The following TBC1D16 variants were observed in gnomAD, a reference collection of about 807,000 sequenced individuals.
TBC1D16 encodes the protein CTD-2529O21.1.
Under a neutral mutation model 74.7 loss-of-function variants are expected in TBC1D16, and 58 were observed. That is an observed-to-expected ratio of 0.78 (90% CI 0.63 to 0.97). TBC1D16 has a LOEUF of 0.97. TBC1D16 is among the 50% of genes least tolerant of loss of function. The probability of loss-of-function intolerance (pLI) is 0.00; values close to 1 mark genes in which losing one functional copy is unlikely to be tolerated. For missense variants in TBC1D16, 1,014 were observed against 1,079.5 expected, an observed-to-expected ratio of 0.94 and a Z score of 0.85; for synonymous variants, 493 against 474.7, an observed-to-expected ratio of 1.04 and a Z score of -0.50.
At position 79,935,092 on chromosome 17, in the gene TBC1D16, C is replaced by T. The variant is rs1403270776; in HGVS notation, c.*5767G>A. The T allele has an allele frequency of 6.6e-6, 1 of 152,294 alleles. No homozygotes were observed. Among genetic ancestry groups the T allele is most frequent in the East Asian group, 1.9e-4 (1 of 5,198 alleles). The allele number at this position is 152,294 out of a possible 1,614,324, so 9.4% of individuals were successfully genotyped here. ...AAGGTCAAATTCACCTTGTTTGCCT[C>T]CTTAAAAATTCACAAATGCAGGACT... is the stretch of plus-strand genomic sequence containing the variant. On this transcript the variant is annotated 3_prime_UTR_variant, in exon 12 of 12. Transcript: ENST00000310924.
At chr17:80,014,810 A>G (rs561964401) in intron 1 of TBC1D16, among the ~76,000 whole-genome samples, 1 of 152,294 alleles carries the variant, frequency 6.6e-6, no homozygotes, top group South Asian at 2.1e-4. Context: ...GAAAAAAAAA[A>G]TAGAAAATGC....
Position 80,010,559 on chromosome 17 carries a change from G to A in TBC1D16, c.380C>T (p.Pro127Leu), listed in dbSNP as rs759593097. The A allele has an allele frequency of 2.1e-5, 34 of 1,604,944 alleles. No individual in the cohort carries two copies. Among genetic ancestry groups the A allele is most frequent in the Non-Finnish European group, 2.5e-5 (30 of 1,177,040 alleles). Residue 127 changes from proline to leucine, a missense_variant, in exon 3 of 12, where the codon CCG (proline) becomes CTG (leucine). Physicochemically the swap from Pro to Leu is moderately conservative, Grantham distance 98. Transcript: ENST00000310924. The surrounding 1 kb of genome is among the most constrained non-coding windows in gnomAD (Gnocchi z 8.8). ...GGTCAGGGTAGGCCGCAGCTCCGTC[G>A]GGGAGGGCTGGTGGGAGGCTCCTGA... Reference protein sequence around the residue: ...RSSGASHQPSPTELRPTLTPK... With the variant: ...RSSGASHQPSLTELRPTLTPK...
In TBC1D16 at chr17:79,956,845, A is replaced by C. The variant is rs1375048499; in HGVS notation, c.780-4027T>G. ...CCAAGCACAGTGTCCTGAATTAATG[A>C]ATCAATCCATTAATTAATGCAAATA... On this transcript the variant is annotated intron_variant, in intron 3 of 11. Transcript: ENST00000310924. The surrounding 1 kb of genome is among the most constrained non-coding windows in gnomAD (Gnocchi z 4.0). Among the ~76,000 whole-genome samples the C allele has an allele frequency of 6.6e-6, 1 of 152,228 alleles. No homozygotes were observed. Among genetic ancestry groups the C allele is most frequent in the Non-Finnish European group, 1.5e-5 (1 of 68,040 alleles).
intron 3 of TBC1D16, among the ~76,000 whole-genome samples, chr17:79,997,335 A>T (rs2035313061): frequency 6.6e-6 from 1 of 151,412 alleles, no homozygotes; most frequent in Non-Finnish European, 1.5e-5. Flanking sequence ...TGAAGGGTGT[A>T]TAGGGCCTCC....
rs1005671183 is a variant in TBC1D16 at position 79,975,403 on chromosome 17, C to T, written c.780-22585G>A. 2.0e-5 allele frequency among the ~76,000 whole-genome samples: 3 copies of T among 152,190 alleles called. No homozygotes were observed. Among genetic ancestry groups the T allele is most frequent in the African/African-American group, 7.2e-5 (3 of 41,434 alleles). On this transcript the variant is annotated intron_variant, in intron 3 of 11. Coordinates refer to ENST00000310924, the MANE Select transcript of TBC1D16 (RefSeq NM_019020.4). This position sits in a 1 kb window ranked among gnomAD's most constrained non-coding sequence, Gnocchi z 4.5. Reference sequence around the variant, plus strand: ...AGCTGGCTGTGAGGTTTCCTGGGAACCCTTGCCTCCTACATGGCCTACTTA... The same window carrying T: ...AGCTGGCTGTGAGGTTTCCTGGGAATCCTTGCCTCCTACATGGCCTACTTA...
At position 80,006,226 on chromosome 17, in the gene TBC1D16, T is replaced by C. The variant is rs573583353; in HGVS notation, c.779+3934A>G. ...TCTCTCGCTCTCTTTCTCTCTTTCTTTCTCTCTCTCTCTCTCTCTCTCAGC... is the reference window on the plus strand; with the variant it reads ...TCTCTCGCTCTCTTTCTCTCTTTCTCTCTCTCTCTCTCTCTCTCTCTCAGC... On this transcript the variant is annotated intron_variant, in intron 3 of 11. Coordinates refer to ENST00000310924, the MANE Select transcript of TBC1D16 (RefSeq NM_019020.4). Among the ~76,000 whole-genome samples the C allele has an allele frequency of 3.3e-4, 49 of 148,914 alleles. No individual in the cohort carries two copies. The South Asian group carries it at 8.8e-3, about 27-fold the overall frequency.
rs2035462457 is a variant in TBC1D16 at position 80,000,966 on chromosome 17, G to C, written c.779+9194C>G. On this transcript the variant is annotated intron_variant, in intron 3 of 11. Transcript: ENST00000310924. This position sits in a 1 kb window ranked among gnomAD's most constrained non-coding sequence, Gnocchi z 4.1. Reference sequence around the variant, plus strand: ...CCACAGTTGCACACCAGAGGGCTGGGCACGGTGGCATCCCAGTCGAATTCT... The same window carrying C: ...CCACAGTTGCACACCAGAGGGCTGGCCACGGTGGCATCCCAGTCGAATTCT... Among the ~76,000 whole-genome samples, 1 of 152,222 alleles carries C rather than the reference G, an allele frequency of 6.6e-6. No homozygotes were observed. The highest frequency in any genetic ancestry group is 2.4e-5 in the African/African-American group (1 of 41,474).
intron 1 of TBC1D16, among the ~76,000 whole-genome samples, chr17:80,017,223 G>A (rs952264032): frequency 2.7e-4 from 41 of 152,208 alleles, no homozygotes; most frequent in Middle Eastern, 3.4e-3. Context: ...AGTCTCTGTC[G>A]TGACCACTCA....
rs1001583093 is a variant in TBC1D16 at position 79,994,769 on chromosome 17, G to A, written c.779+15391C>T. On this transcript the variant is annotated intron_variant, in intron 3 of 11. Transcript: ENST00000310924. This position sits in a 1 kb window ranked among gnomAD's most constrained non-coding sequence, Gnocchi z 4.6. ...GCAGGTCGCCAATCTGTGTAGACTCGTGCTGGCCAAGGCAGTGACCCCAAG... is the reference window on the plus strand; with the variant it reads ...GCAGGTCGCCAATCTGTGTAGACTCATGCTGGCCAAGGCAGTGACCCCAAG... Among the ~76,000 whole-genome samples the A allele has an allele frequency of 2.7e-5, 4 of 145,728 alleles. No individual in the cohort carries two copies. The highest frequency in any genetic ancestry group is 4.6e-5 in the Non-Finnish European group (3 of 65,542).
intron 3 of TBC1D16, among the ~76,000 whole-genome samples, chr17:79,984,791 G>C (rs964878943): frequency 3.3e-5 from 5 of 151,644 alleles, no homozygotes; most frequent in Non-Finnish European, 7.4e-5. Context: ...AGGATCAACA[G>C]GGAACTAAGA....
Position 79,972,880 on chromosome 17 carries a change from G to A in TBC1D16, c.780-20062C>T, listed in dbSNP as rs143567763. 2.5e-3 allele frequency among the ~76,000 whole-genome samples: 384 copies of A among 151,956 alleles called. 2 individuals carry two copies. Among genetic ancestry groups the A allele is most frequent in the African/African-American group, 8.8e-3 (365 of 41,438 alleles). ...GTGGATCGCCTGAGCTTAGGAGTTC[G>A]GGACCAGCCTGGGTAACATGATGAA... On this transcript the variant is annotated intron_variant, in intron 3 of 11. Coordinates refer to ENST00000310924, the MANE Select transcript of TBC1D16 (RefSeq NM_019020.4).
rs2035831122 is a variant in TBC1D16, at chr17:80,010,306, G to A, written c.633C>T (p.Gly211=). The A allele has an allele frequency of 6.2e-7, 1 of 1,612,480 alleles. No homozygotes were observed. The highest frequency in any genetic ancestry group is 8.5e-7 in the Non-Finnish European group (1 of 1,179,454). Residue 211 remains glycine, a synonymous_variant, in exon 3 of 12, where the codon GGC becomes GGT. Coordinates refer to ENST00000310924, the MANE Select transcript of TBC1D16 (RefSeq NM_019020.4). This position sits in a 1 kb window ranked among gnomAD's most constrained non-coding sequence, Gnocchi z 8.8. The stretch of plus-strand genomic sequence containing the variant: ...CGCCCTCGGCTGACAGTTCCAAAGA[G>A]CCATCCTCCTCCCCGGCCTCGGGCC... The part of the protein sequence containing the change: ...EPRPEAGEED[G]SLELSAEGVS...
intron 3 of TBC1D16, among the ~76,000 whole-genome samples, chr17:80,005,479 T>A (rs1396029650): frequency 6.6e-6 from 1 of 152,090 alleles, no homozygotes; most frequent in East Asian, 1.9e-4. Context: ...GTGGTCACCC[T>A]CCCCAGCACA....
At chr17:79,978,503 G>A (rs1445453567) in intron 3 of TBC1D16, among the ~76,000 whole-genome samples, 1 of 152,244 alleles carries the variant, frequency 6.6e-6, no homozygotes, top group African/African-American at 2.4e-5. Flanking sequence ...GCAGGTAGGA[G>A]GAGAGAATGT....
chr17:80,029,108 A>G (rs2036687353), intron 1 of TBC1D16, among the ~76,000 whole-genome samples: 1 of 152,102 alleles, frequency 6.6e-6, no homozygotes, highest in African/African-American at 2.4e-5. Context: ...GAAACCTGCA[A>G]CTCTTTAAGA....
At position 80,025,324 on chromosome 17, in the gene TBC1D16, A is replaced by G. The variant is rs568245724; in HGVS notation, c.-63+10471T>C. Among the ~76,000 whole-genome samples the G allele has an allele frequency of 3.5e-5, 4 of 113,046 alleles. No individual in the cohort carries two copies. The South Asian group carries it at 1.2e-3, about 35-fold the overall frequency. 74.2% of individuals were successfully genotyped at this position (113,046 alleles called of 152,430 possible). A position where few individuals can be genotyped will look rare whatever the true frequency, so the allele number is the denominator to read the frequency against. On this transcript the variant is annotated intron_variant, in intron 1 of 11. Coordinates refer to ENST00000310924, the MANE Select transcript of TBC1D16 (RefSeq NM_019020.4). ...CCACTCCTTCCCAGCTGTCTCCAGGATTAGGGAAGCCCCAGGCGGATCCGG... is the reference window on the plus strand; with the variant it reads ...CCACTCCTTCCCAGCTGTCTCCAGGGTTAGGGAAGCCCCAGGCGGATCCGG...
At chr17:79,978,272 T>C (rs1376522529) in intron 3 of TBC1D16, among the ~76,000 whole-genome samples, 1 of 152,208 alleles carries the variant, frequency 6.6e-6, no homozygotes, top group Non-Finnish European at 1.5e-5. Context: ...TGCTGGGAAC[T>C]GGGAAGGCAG....
chr17:79,960,477 C>T (rs946594127), intron 3 of TBC1D16, among the ~76,000 whole-genome samples: 3 of 152,026 alleles, frequency 2.0e-5, no homozygotes, highest in Admixed American at 2.0e-4. Context: ...AATGAGGCCA[C>T]GAGCAAGGCA....
Position 79,955,213 on chromosome 17 carries a change from C to T in TBC1D16, c.780-2395G>A, listed in dbSNP as rs556764679. On this transcript the variant is annotated intron_variant, in intron 3 of 11. Coordinates refer to ENST00000310924, the MANE Select transcript of TBC1D16 (RefSeq NM_019020.4). The stretch of plus-strand genomic sequence containing the variant: ...ACAGCTGGGGTTCCATAAGCTCAAA[C>T]TAGAGCGAAGGTGATGGAGACCTCA... Among the ~76,000 whole-genome samples the T allele has an allele frequency of 5.3e-5, 8 of 152,218 alleles. No individual in the cohort carries two copies. The East Asian group carries it at 1.5e-3, about 29-fold the overall frequency.
Sources: gnomAD v4.1 joint callset for allele counts (sites outside exome capture counted in the v4.1 genomes callset) on GRCh38, gnomAD v4.1.1 for gene constraint, Gnocchi (gnomAD v3.1) non-coding constraint, MANE v1.5 for transcripts, NCBI Gene and HGNC (gene_info 2026-07-23, HGNC 2026-07-21) for gene names.